The following UBE2E2 variants were observed in gnomAD, a reference collection of about 807,000 sequenced individuals.
UBE2E2 encodes the protein ubiquitin-conjugating enzyme E2 E2.
Under a neutral mutation model 24.7 loss-of-function variants are expected in UBE2E2, and 6 were observed. The ratio of observed to expected loss-of-function variants is 0.24; its 90% CI spans 0.13 to 0.48. The LOEUF is 0.48. Among genes scored for constraint, UBE2E2 ranks in the 20% least tolerant of loss-of-function variants. UBE2E2 has a pLI of 0.99. For missense variants in UBE2E2, 169 were observed against 245.0 expected, an observed-to-expected ratio of 0.69 and a Z score of 2.07; for synonymous variants, 104 against 83.6, an observed-to-expected ratio of 1.24 and a Z score of -1.33.
intron 3 of UBE2E2, among the ~76,000 whole-genome samples, chr3:23,479,749 G>C (rs957641024): frequency 6.6e-6 from 1 of 152,212 alleles, no homozygotes; most frequent in African/African-American, 2.4e-5. Flanking sequence ...TTGTCCCAAT[G>C]AATGTCCAGC....
chr3:23,261,702 A>G (rs1397599039), intron 3 of UBE2E2, among the ~76,000 whole-genome samples: 1 of 152,118 alleles, frequency 6.6e-6, no homozygotes, highest in African/African-American at 2.4e-5. Flanking sequence ...TTTCATTCGT[A>G]AGTGAAATCA....
chr3:23,363,211 G>C (rs372386438), intron 3 of UBE2E2, among the ~76,000 whole-genome samples: 1 of 152,194 alleles, frequency 6.6e-6, no homozygotes, highest in Admixed American at 6.5e-5. Flanking sequence ...TAAGAACGTA[G>C]ACTAGTAATG....
chr3:23,310,193 G>C (rs984946606), intron 3 of UBE2E2, among the ~76,000 whole-genome samples: 5 of 151,792 alleles, frequency 3.3e-5, no homozygotes, highest in African/African-American at 1.2e-4. Context: ...TGAGACTACA[G>C]TTACGTTGGT....
chr3:23,386,782 A>G (rs1280020807), intron 3 of UBE2E2, among the ~76,000 whole-genome samples: 1 of 152,194 alleles, frequency 6.6e-6, no homozygotes, highest in Non-Finnish European at 1.5e-5. Flanking sequence ...AGAATTTTGA[A>G]TTTGAAGTAG....
chr3:23,335,533 A>T (rs965924011), intron 3 of UBE2E2, among the ~76,000 whole-genome samples: 3 of 152,100 alleles, frequency 2.0e-5, no homozygotes, highest in African/African-American at 4.8e-5. Flanking sequence ...AGTGAAATTT[A>T]AAAAAGGTTT....
intron 3 of UBE2E2, among the ~76,000 whole-genome samples, chr3:23,321,287 G>A (rs1191510537): frequency 6.6e-6 from 1 of 152,178 alleles, no homozygotes; most frequent in Non-Finnish European, 1.5e-5. Flanking sequence ...GCACAATTCA[G>A]TCCATAAAGA....
chr3:23,571,346 G>A (rs532744366), intron 5 of UBE2E2, among the ~76,000 whole-genome samples: 1 of 125,054 alleles, frequency 8.0e-6, no homozygotes, highest in Admixed American at 1.0e-4. Flanking sequence ...CTAGAATGCA[G>A]TGGCACAATC....
At chr3:23,538,147 G>C (rs894073327) in intron 5 of UBE2E2, among the ~76,000 whole-genome samples, 3 of 152,148 alleles carry the variant, frequency 2.0e-5, no homozygotes, top group African/African-American at 7.2e-5. Flanking sequence ...AATAACTACA[G>C]TTGGCTACCT....
intron 3 of UBE2E2, among the ~76,000 whole-genome samples, chr3:23,448,350 T>C (rs1698479016): frequency 6.6e-6 from 1 of 152,218 alleles, no homozygotes; most frequent in African/African-American, 2.4e-5. Flanking sequence ...TGTTTGACCA[T>C]ATACTCTGGA....
intron 3 of UBE2E2, among the ~76,000 whole-genome samples, chr3:23,266,698 G>C (rs1698059239): frequency 6.6e-6 from 1 of 152,088 alleles, no homozygotes; most frequent in South Asian, 2.1e-4. Context: ...TCCACACCAA[G>C]CAGACGTAAT....
intron 3 of UBE2E2, among the ~76,000 whole-genome samples, chr3:23,453,426 G>A (rs1698609619): frequency 1.3e-5 from 2 of 151,984 alleles, no homozygotes; most frequent in South Asian, 4.2e-4. Context: ...GCATGAATAT[G>A]TCTTAAGGGA....
intron 3 of UBE2E2, among the ~76,000 whole-genome samples, chr3:23,347,466 C>T (rs1368963416): frequency 6.6e-6 from 1 of 152,090 alleles, no homozygotes; most frequent in Non-Finnish European, 1.5e-5. Flanking sequence ...GAAAACCAAA[C>T]ACCACATGTT....
intron 4 of UBE2E2, among the ~76,000 whole-genome samples, chr3:23,510,614 A>T (rs934802246): frequency 4.6e-5 from 7 of 152,200 alleles, no homozygotes; most frequent in African/African-American, 1.7e-4. Context: ...CAAAAAAAAA[A>T]ATAAGATAAA....
intron 3 of UBE2E2, among the ~76,000 whole-genome samples, chr3:23,335,210 C>T (rs191472078): frequency 3.2e-4 from 48 of 152,176 alleles, no homozygotes; most frequent in African/African-American, 1.1e-3. Flanking sequence ...ATATTACCAT[C>T]ATTTTATTAG....
chr3:23,271,260 A>G, intron 3 of UBE2E2: 3 of 333,630 alleles, frequency 9.0e-6, no homozygotes, highest in South Asian at 7.5e-5. Flanking sequence ...GTGTGTCTAG[A>G]GTTTGTTCCT....
rs920304365 is a variant in UBE2E2 at position 23,589,815 on chromosome 3, A to G, written c.590A>G (p.Lys197Arg). 1.2e-6 allele frequency: 2 copies of G among 1,614,076 alleles called. No homozygotes were observed. The highest frequency in any genetic ancestry group is 1.7e-5 in the Admixed American group (1 of 60,004). Residue 197 changes from lysine to arginine, a missense_variant, in exon 6 of 6, where the codon AAG (lysine) becomes AGG (arginine). This residue lies in a region of UBE2E2 where 105 missense variants were observed against 180.7 expected (regional missense o/e 0.58). Transcript: ENST00000396703. This position sits in a 1 kb window ranked among gnomAD's most constrained non-coding sequence, Gnocchi z 4.1. The stretch of plus-strand genomic sequence containing the variant: ...GACCGGATGGCCAGACAGTGGACCA[A>G]GCGGTACGCCACATAGGGGCCTGCT... ...EHDRMARQWT[K>R]RYAT
rs1024924111 is a variant in UBE2E2 at position 23,474,233 on chromosome 3, A to G, written c.228-25375A>G. 1.7e-4 allele frequency among the ~76,000 whole-genome samples: 25 copies of G among 151,290 alleles called. No homozygotes were observed. Among genetic ancestry groups the G allele is most frequent in the African/African-American group, 6.1e-4 (25 of 40,968 alleles). On this transcript the variant is annotated intron_variant, in intron 3 of 5. Transcript: ENST00000396703. The surrounding 1 kb of genome is among the most constrained non-coding windows in gnomAD (Gnocchi z 4.0). The stretch of plus-strand genomic sequence containing the variant: ...TGTCCTTAGCCCACTTTTTGATGGG[A>G]TTGTTGTTTTTCTCCTGTTAATTGT...
chr3:23,466,301 A>G (rs1698917455), intron 3 of UBE2E2, among the ~76,000 whole-genome samples: 1 of 152,310 alleles, frequency 6.6e-6, no homozygotes, highest in East Asian at 1.9e-4. Context: ...GTACACATAT[A>G]AGTGAGATGT....
chr3:23,389,415 C>T (rs1387539796), intron 3 of UBE2E2, among the ~76,000 whole-genome samples: 2 of 152,198 alleles, frequency 1.3e-5, no homozygotes, highest in African/African-American at 4.8e-5. Context: ...GCTAGAGAGG[C>T]CCCTCCAAAC....
Sources: allele counts gnomAD v4.1 joint callset (sites outside exome capture counted in the v4.1 genomes callset), GRCh38; gene constraint gnomAD v4.1.1; regional missense constraint gnomAD v4.1.1; non-coding constraint Gnocchi (gnomAD v3.1); transcripts MANE v1.5; gene names NCBI Gene and HGNC (gene_info 2026-07-23, HGNC 2026-07-21).